The following PAPPA variants were observed in gnomAD, a reference collection of about 807,000 sequenced individuals.
PAPPA encodes the protein pappalysin-1.
Under a neutral mutation model 164.0 loss-of-function variants are expected in PAPPA, and 60 were observed. The observed-to-expected ratio is 0.37, with a 90% CI of 0.30 to 0.45. The LOEUF is 0.45. Ranked by LOEUF, PAPPA falls within the 20% of genes least tolerant of loss-of-function variation. PAPPA has a pLI of 1.00. For synonymous variants in PAPPA, 875 were observed against 814.1 expected (o/e 1.07, Z -1.27); for missense variants, 1,782 against 2,087.3 (o/e 0.85, Z 2.85).
intron 1 of PAPPA, among the ~76,000 whole-genome samples, chr9:116,174,248 T>G (rs1043828193): frequency 6.6e-6 from 1 of 152,300 alleles, no homozygotes; most frequent in East Asian, 1.9e-4. Flanking sequence ...GCACCAGCCC[T>G]GCAAAGTGGA....
intron 20 of PAPPA, among the ~76,000 whole-genome samples, chr9:116,378,921 G>A (rs887701833): frequency 2.6e-5 from 4 of 152,126 alleles, no homozygotes; most frequent in African/African-American, 9.7e-5. Flanking sequence ...ACTTGACATT[G>A]TACTTGACTT....
chr9:116,392,152 G>GCACA (rs748913197), intron 21 of PAPPA, among the ~76,000 whole-genome samples: 3 of 152,228 alleles, frequency 2.0e-5, no homozygotes, highest in Admixed American at 6.5e-5. Flanking sequence ...AGATAATGAT[G>GCACA]CACATTGAGT....
chr9:116,332,649 C>A (rs978354714), intron 12 of PAPPA, 181 bp downstream of exon 12: 2 of 560,492 alleles, frequency 3.6e-6, no homozygotes, highest in Admixed American at 3.1e-5. Context: ...CCAGAGAAAT[C>A]AAGATCTGGC....
chr9:116,349,285 A>G (rs1846251412), intron 15 of PAPPA, among the ~76,000 whole-genome samples: 1 of 152,236 alleles, frequency 6.6e-6, no homozygotes, highest in East Asian at 1.9e-4. Context: ...GAGATGGACA[A>G]GAACTCAGAG....
rs898350293 is a variant in PAPPA at position 116,332,536 on chromosome 9, G to T, written c.3397+68G>T. 4.2e-6 allele frequency: 6 copies of T among 1,417,752 alleles called. No individual in the cohort carries two copies. In the African/African-American group the frequency reaches 8.4e-5, roughly 20 times the overall value. 87.8% of individuals were successfully genotyped at this position (1,417,752 alleles called of 1,614,324 possible). ...TTCCACCTCTGCCCCATAACTAGTT[G>T]TGAGGATCAGCTTAGAATGAGCTCT... On this transcript the variant is annotated intron_variant, in intron 12 of 21. Coordinates refer to ENST00000328252, the MANE Select transcript of PAPPA (RefSeq NM_002581.5).
chr9:116,155,586 G>A (rs908943574), intron 1 of PAPPA, among the ~76,000 whole-genome samples: 4 of 152,144 alleles, frequency 2.6e-5, no homozygotes, highest in African/African-American at 9.7e-5. Context: ...GTGAGAGTAG[G>A]GGTTCCCCCT....
At chr9:116,160,237 C>A (rs1163630150) in intron 1 of PAPPA, among the ~76,000 whole-genome samples, 1 of 152,180 alleles carries the variant, frequency 6.6e-6, no homozygotes, top group Non-Finnish European at 1.5e-5. Flanking sequence ...TGCCCCAGCT[C>A]TGAAGGACCC....
intron 17 of PAPPA, among the ~76,000 whole-genome samples, chr9:116,357,657 G>A (rs1268104733): frequency 6.6e-6 from 1 of 152,184 alleles, no homozygotes; most frequent in Non-Finnish European, 1.5e-5. Context: ...CCCAGGGGGT[G>A]AGAAGCTACT....
chr9:116,182,619 T>A (rs1710114965), intron 1 of PAPPA, among the ~76,000 whole-genome samples: 1 of 152,204 alleles, frequency 6.6e-6, no homozygotes, highest in Admixed American at 6.5e-5. Context: ...TAGCCAAGGT[T>A]CTGAGAGACT....
At chr9:116,205,947 A>G (rs1844229558) in intron 2 of PAPPA, among the ~76,000 whole-genome samples, 1 of 152,174 alleles carries the variant, frequency 6.6e-6, no homozygotes, top group Non-Finnish European at 1.5e-5. Context: ...ACTCTGTTGC[A>G]TTGCTTCAAC....
chr9:116,220,544 A>G (rs983969441), intron 5 of PAPPA, among the ~76,000 whole-genome samples: 3 of 115,936 alleles, frequency 2.6e-5, no homozygotes, highest in African/African-American at 9.7e-5. Flanking sequence ...ATATGGATAT[A>G]TATATTTATG....
At chr9:116,265,392 C>T (rs1191725653) in intron 7 of PAPPA, among the ~76,000 whole-genome samples, 2 of 152,138 alleles carry the variant, frequency 1.3e-5, no homozygotes, top group African/African-American at 4.8e-5. Context: ...AAAGGGTTTG[C>T]TCACGTGTAA....
intron 17 of PAPPA, among the ~76,000 whole-genome samples, chr9:116,357,754 G>A (rs934997050): frequency 5.3e-5 from 8 of 152,206 alleles, no homozygotes; most frequent in Non-Finnish European, 1.0e-4. Flanking sequence ...GTGAGTCAGG[G>A]AGTGGCCAGT....
rs551098263 is a variant in PAPPA, at chr9:116,165,809, C to T, written c.415+11222C>T. Among the ~76,000 whole-genome samples, 7 of 152,320 alleles carry T rather than the reference C, an allele frequency of 4.6e-5. No homozygotes were observed. In the East Asian group the frequency reaches 1.4e-3, roughly 29 times the overall value. On this transcript the variant is annotated intron_variant, in intron 1 of 21. Transcript: ENST00000328252. ...CCAGGATTTTGCCAGAGTTTTCTCT[C>T]TTCTGAGAAGCCCTTCATAACTTCC...
At chr9:116,317,050 A>T (rs1845795712) in intron 10 of PAPPA, among the ~76,000 whole-genome samples, 1 of 152,166 alleles carries the variant, frequency 6.6e-6, no homozygotes, top group Non-Finnish European at 1.5e-5. Context: ...ATTTCAACAC[A>T]ATCTGGAACA....
intron 13 of PAPPA, among the ~76,000 whole-genome samples, chr9:116,337,403 AAAAC>A (rs1203281571): frequency 5.3e-5 from 8 of 152,374 alleles, no homozygotes; most frequent in Admixed American, 3.3e-4. Context: ...CAAATGCATT[AAAAC>A]AAACAAACAA....
intron 7 of PAPPA, among the ~76,000 whole-genome samples, chr9:116,259,375 C>T (rs1844974471): frequency 6.6e-6 from 1 of 151,590 alleles, no homozygotes; most frequent in Non-Finnish European, 1.5e-5. Flanking sequence ...AGTCATAGAC[C>T]ATGAAATGGT....
intron 19 of PAPPA, among the ~76,000 whole-genome samples, chr9:116,368,954 C>T (rs954056661): frequency 3.9e-5 from 6 of 152,118 alleles, no homozygotes; most frequent in East Asian, 1.9e-4. Context: ...CTGTGCGCCC[C>T]GGCATGCTCC....
At chr9:116,299,803 G>A (rs1293947466) in intron 9 of PAPPA, among the ~76,000 whole-genome samples, 1 of 152,056 alleles carries the variant, frequency 6.6e-6, no homozygotes, top group Admixed American at 6.5e-5. Flanking sequence ...AGATAAAATG[G>A]ATGAAGGGGC....
Sources: allele counts gnomAD v4.1 joint callset (sites outside exome capture counted in the v4.1 genomes callset), GRCh38; gene constraint gnomAD v4.1.1; transcripts MANE v1.5; gene names NCBI Gene and HGNC (gene_info 2026-07-23, HGNC 2026-07-21).